Variants in CPEB4 observed in about 807,000 individuals in gnomAD.
CPEB4 encodes cytoplasmic polyadenylation element binding protein 4, also known as cytoplasmic polyadenylation element-binding protein 4.
Under a neutral mutation model 72.5 loss-of-function variants are expected in CPEB4, and 12 were observed. The ratio of observed to expected loss-of-function variants is 0.17; its 90% CI spans 0.11 to 0.27. The LOEUF is 0.27. Among genes scored for constraint, CPEB4 ranks in the 10% least tolerant of loss-of-function variants. CPEB4 has a pLI of 1.00. For synonymous variants in CPEB4, 302 were observed against 326.3 expected, an observed-to-expected ratio of 0.93 and a Z score of 0.80; for missense variants, 614 against 908.5, an observed-to-expected ratio of 0.68 and a Z score of 4.17.
chr5:173,890,297 T>C lies in CPEB4; in HGVS notation c.564T>C (p.Ser188=), dbSNP rs1374204968. 5.0e-6 allele frequency: 8 copies of C among 1,614,022 alleles called. No individual in the cohort carries two copies. The highest frequency in any genetic ancestry group is 6.8e-6 in the Non-Finnish European group (8 of 1,179,972). The part of the protein sequence containing the change: ...SSSTIINEDA[S]FFHQGGVPAA... ...CTACAATAATCAATGAAGATGCAAGTTTCTTTCACCAGGGAGGGGTCCCTG... is the reference window on the plus strand; with the variant it reads ...CTACAATAATCAATGAAGATGCAAGCTTCTTTCACCAGGGAGGGGTCCCTG... The change falls in exon 1 of 10, where the codon AGT becomes AGC. Residue 188 remains serine (S), a synonymous_variant. Coordinates refer to ENST00000265085, the MANE Select transcript of CPEB4 (RefSeq NM_030627.4).
At chr5:173,910,795 C>T (rs1581123537) in intron 2 of CPEB4, 191 bp downstream of exon 2, 1 of 535,164 alleles carries the variant, frequency 1.9e-6, no homozygotes. Flanking sequence ...GTGGAGCCAT[C>T]GTGATACCAG....
intron 3 of CPEB4, among the ~76,000 whole-genome samples, chr5:173,934,526 T>G (rs2113245080): frequency 6.6e-6 from 1 of 151,854 alleles, no homozygotes; most frequent in East Asian, 1.9e-4. Flanking sequence ...GACCCGGGAG[T>G]GTGGGGTTTA....
intron 1 of CPEB4, among the ~76,000 whole-genome samples, chr5:173,897,875 AAC>A (rs1756078510): frequency 7.1e-6 from 1 of 141,402 alleles, no homozygotes; most frequent in Non-Finnish European, 1.6e-5. Flanking sequence ...GTTTATATAT[AAC>A]ATGTGCTGAT....
rs368813716 is a variant in CPEB4, at chr5:173,949,928, A to C, written c.1547-32A>C. ...TGAAGAATTACCAAAAAATAGGAAAACATGTAAGCCTTCTTTCCCCCTTTT... is the reference window on the plus strand; with the variant it reads ...TGAAGAATTACCAAAAAATAGGAAACCATGTAAGCCTTCTTTCCCCCTTTT... On this transcript the variant is annotated intron_variant, in intron 6 of 9. Transcript: ENST00000265085. 1.9e-4 allele frequency: 270 copies of C among 1,435,444 alleles called. No homozygotes were observed. The African/African-American group carries it at 2.9e-3, about 15-fold the overall frequency. 88.9% of individuals were successfully genotyped at this position (1,435,444 alleles called of 1,614,324 possible).
chr5:173,908,757 A>G (rs1216939423), intron 1 of CPEB4, among the ~76,000 whole-genome samples: 1 of 152,258 alleles, frequency 6.6e-6, no homozygotes, highest in East Asian at 1.9e-4. Flanking sequence ...AGGAAAGTAG[A>G]AAAATGAAGG....
chr5:173,938,813 A>AT (rs1245888695), intron 3 of CPEB4, among the ~76,000 whole-genome samples: 2 of 152,224 alleles, frequency 1.3e-5, no homozygotes, highest in Non-Finnish European at 2.9e-5. Flanking sequence ...TCATTTGTTC[A>AT]TTTTTAATAT....
intron 2 of CPEB4, among the ~76,000 whole-genome samples, chr5:173,929,303 T>C (rs1757356610): frequency 6.6e-6 from 1 of 152,238 alleles, no homozygotes; most frequent in South Asian, 2.1e-4. Flanking sequence ...CTTTAAAAGA[T>C]ACCCAAAACA....
At chr5:173,906,863 T>C (rs752349572) in intron 1 of CPEB4, among the ~76,000 whole-genome samples, 3 of 152,228 alleles carry the variant, frequency 2.0e-5, no homozygotes, top group Non-Finnish European at 4.4e-5. Flanking sequence ...CAGTTAGAAG[T>C]CAGCAAAAAT....
intron 8 of CPEB4, among the ~76,000 whole-genome samples, chr5:173,952,836 G>A (rs757167339): frequency 1.3e-5 from 2 of 152,084 alleles, no homozygotes; most frequent in Non-Finnish European, 2.9e-5. Context: ...AATTTCCTCA[G>A]GAAATTACTA....
intron 3 of CPEB4, among the ~76,000 whole-genome samples, chr5:173,936,571 G>A (rs1757629238): frequency 6.6e-6 from 1 of 152,172 alleles, no homozygotes; most frequent in South Asian, 2.1e-4. Context: ...ATTTCATGTA[G>A]TAGGGATATA....
rs948077600 is a variant in CPEB4, at chr5:173,888,496, T to A, written c.-1238T>A. Reference sequence around the variant, plus strand: ...AAAGAAAAAGAAGAACCAGGAGGAGTCCTCAACAACGACAGCGGGGACTGC... The same window carrying A: ...AAAGAAAAAGAAGAACCAGGAGGAGACCTCAACAACGACAGCGGGGACTGC... On this transcript the variant is annotated 5_prime_UTR_variant, in exon 1 of 10. Coordinates refer to ENST00000265085, the MANE Select transcript of CPEB4 (RefSeq NM_030627.4). The surrounding 1 kb of genome is among the most constrained non-coding windows in gnomAD (Gnocchi z 4.3). 6 of 418,088 alleles carry A rather than the reference T, an allele frequency of 1.4e-5. No homozygotes were observed. The highest frequency in any genetic ancestry group is 1.1e-4 in the East Asian group (3 of 28,334). 25.9% of individuals were successfully genotyped at this position (418,088 alleles called of 1,614,324 possible).
Position 173,956,381 on chromosome 5 carries a change from G to A in CPEB4, c.*244G>A, listed in dbSNP as rs985410620. ...CATGGAAGTTTTATTCTCTTGTTTTGCTGGAAACCAAGAGGATCCAAACTT... is the reference window on the plus strand; with the variant it reads ...CATGGAAGTTTTATTCTCTTGTTTTACTGGAAACCAAGAGGATCCAAACTT... On this transcript the variant is annotated 3_prime_UTR_variant, in exon 10 of 10. Transcript: ENST00000265085. The A allele has an allele frequency of 5.2e-5, 21 of 407,444 alleles. No individual in the cohort carries two copies. The highest frequency in any genetic ancestry group is 7.9e-5 in the Non-Finnish European group (18 of 229,100). 25.2% of individuals were successfully genotyped at this position (407,444 alleles called of 1,614,324 possible).
intron 2 of CPEB4, among the ~76,000 whole-genome samples, chr5:173,922,534 A>G (rs1327365080): frequency 6.6e-6 from 1 of 152,168 alleles, no homozygotes; most frequent in Non-Finnish European, 1.5e-5. Flanking sequence ...CCTGGCCAAG[A>G]TTTCTTAATT....
At chr5:173,904,495 T>C (rs1387020380) in intron 1 of CPEB4, among the ~76,000 whole-genome samples, 1 of 152,196 alleles carries the variant, frequency 6.6e-6, no homozygotes, top group African/African-American at 2.4e-5. Context: ...CTCTGATATA[T>C]ATCATTTGTA....
intron 1 of CPEB4, among the ~76,000 whole-genome samples, chr5:173,897,549 C>A (rs1470245611): frequency 6.6e-6 from 1 of 152,124 alleles, no homozygotes; most frequent in Non-Finnish European, 1.5e-5. Context: ...TTGACCTGTG[C>A]TAATCTTTGA....
chr5:173,912,328 G>A (rs901218386), intron 2 of CPEB4, among the ~76,000 whole-genome samples: 2 of 152,150 alleles, frequency 1.3e-5, no homozygotes, highest in Admixed American at 1.3e-4. Context: ...ATAGCTAAAG[G>A]AAAAATATGA....
Position 173,951,952 on chromosome 5 carries a change from A to G in CPEB4, c.1780+14A>G. On this transcript the variant is annotated intron_variant, in intron 8 of 9. Coordinates refer to ENST00000265085, the MANE Select transcript of CPEB4 (RefSeq NM_030627.4). ...CATTACGAGCTGGTATGATTAAACA[A>G]ACGACAAACTCTCTACCCTATAGCG... 6.7e-7 allele frequency: 1 copy of G among 1,498,842 alleles called. No homozygotes were observed. Among genetic ancestry groups the G allele is most frequent in the South Asian group, 1.1e-5 (1 of 88,780 alleles). 92.8% of individuals were successfully genotyped at this position (1,498,842 alleles called of 1,614,324 possible).
At chr5:173,913,556 A>G (rs561156304) in intron 2 of CPEB4, among the ~76,000 whole-genome samples, 8 of 152,230 alleles carry the variant, frequency 5.3e-5, no homozygotes, top group Non-Finnish European at 1.0e-4. Context: ...AGTTTTAGCC[A>G]GGACATCTCT....
At position 173,889,404 on chromosome 5, in the gene CPEB4, G is replaced by A. The variant is rs1561599692; in HGVS notation, c.-330G>A. ...GAGAAGCTCTGTTTTTGTCATTCATGTACATTTTCCTTTGGAAAAAGAAAG... is the reference window on the plus strand; with the variant it reads ...GAGAAGCTCTGTTTTTGTCATTCATATACATTTTCCTTTGGAAAAAGAAAG... On this transcript the variant is annotated 5_prime_UTR_variant, in exon 1 of 10. An upstream start codon of the reference 5' UTR is lost. Transcript: ENST00000265085. The A allele has an allele frequency of 4.9e-6, 1 of 203,066 alleles. No homozygotes were observed. The highest frequency in any genetic ancestry group is 9.9e-6 in the Non-Finnish European group (1 of 100,888). 12.6% of individuals were successfully genotyped at this position (203,066 alleles called of 1,614,324 possible). A position where few individuals can be genotyped will look rare whatever the true frequency, so the allele number is the denominator to read the frequency against.
Sources: gnomAD v4.1 joint callset for allele counts (sites outside exome capture counted in the v4.1 genomes callset) on GRCh38, gnomAD v4.1.1 for gene constraint, Gnocchi (gnomAD v3.1) non-coding constraint, MANE v1.5 for transcripts, NCBI Gene and HGNC (gene_info 2026-07-23, HGNC 2026-07-21) for gene names.